SLC17A6: variants seen among roughly 807,000 people sequenced by gnomAD.
SLC17A6 encodes the protein vesicular glutamate transporter 2.
In SLC17A6, 35 loss-of-function variants were observed where a neutral mutation model predicts 67.1. The ratio of observed to expected loss-of-function variants is 0.52; its 90% CI spans 0.40 to 0.69. The LOEUF (loss-of-function observed/expected upper bound fraction) is 0.69, where lower values mean the gene tolerates loss of function less well. SLC17A6 is among the 30% of genes least tolerant of loss of function. The probability of loss-of-function intolerance (pLI) is 0.00; values close to 1 mark genes in which losing one functional copy is unlikely to be tolerated. For synonymous variants in SLC17A6, 285 were observed against 252.3 expected (o/e 1.13, Z -1.23); for missense variants, 588 against 723.9 (o/e 0.81, Z 2.15).
rs74752448 is a variant in SLC17A6 at position 22,378,775 on chromosome 11, A to G, written c.*1035A>G. ...GATATTGTAAGTAGGTAATTTTATT[A>G]TTTAAAGTCCTATTAAGAAATATTT... On this transcript the variant is annotated 3_prime_UTR_variant, in exon 12 of 12. Transcript: ENST00000263160. 1.6e-3 allele frequency: 248 copies of G among 152,252 alleles called. 2 individuals carry two copies. The highest frequency in any genetic ancestry group is 5.8e-3 in the African/African-American group (240 of 41,556). 9.4% of individuals were successfully genotyped at this position (152,252 alleles called of 1,614,324 possible). A position where few individuals can be genotyped will look rare whatever the true frequency, so the allele number is the denominator to read the frequency against.
intron 7 of SLC17A6, among the ~76,000 whole-genome samples, chr11:22,366,001 G>T (rs148691505): frequency 6.6e-5 from 10 of 151,098 alleles, no homozygotes; most frequent in Admixed American, 1.3e-4. Context: ...ATAAATAGTT[G>T]TTCATTTTAC....
chr11:22,347,345 C>T (rs1855889615), intron 3 of SLC17A6, among the ~76,000 whole-genome samples: 2 of 152,024 alleles, frequency 1.3e-5, no homozygotes, highest in Non-Finnish European at 1.5e-5. Flanking sequence ...GTGATTTATC[C>T]CCTTTACACC....
chr11:22,344,957 T>C (rs1020657779), intron 3 of SLC17A6, among the ~76,000 whole-genome samples: 5 of 152,050 alleles, frequency 3.3e-5, no homozygotes, highest in Non-Finnish European at 7.4e-5. Context: ...CATACATGCA[T>C]GGAATGTTTT....
chr11:22,375,146 G>T (rs1856218678), intron 9 of SLC17A6, among the ~76,000 whole-genome samples: 2 of 152,020 alleles, frequency 1.3e-5, no homozygotes, highest in South Asian at 4.2e-4. Context: ...GCCAAGGTGG[G>T]TGGATCACGA....
chr11:22,373,700 A>AT (rs200103584), intron 8 of SLC17A6, among the ~76,000 whole-genome samples: 4 of 152,152 alleles, frequency 2.6e-5, no homozygotes, highest in South Asian at 4.2e-4. Flanking sequence ...CTGACTCTAA[A>AT]TTTTTTTTAT....
intron 3 of SLC17A6, among the ~76,000 whole-genome samples, chr11:22,356,026 G>A (rs1019786555): frequency 6.6e-6 from 1 of 152,160 alleles, no homozygotes; most frequent in African/African-American, 2.4e-5. Flanking sequence ...TCATGTGACT[G>A]AAAGAGCACA....
At chr11:22,368,191 A>T (rs1333064843) in intron 7 of SLC17A6, among the ~76,000 whole-genome samples, 1 of 152,088 alleles carries the variant, frequency 6.6e-6, no homozygotes, top group Non-Finnish European at 1.5e-5. Context: ...AATTAAAAAC[A>T]ATTCTGTATC....
chr11:22,358,417 T>C (rs966080521), intron 3 of SLC17A6, among the ~76,000 whole-genome samples: 1 of 152,216 alleles, frequency 6.6e-6, no homozygotes, highest in South Asian at 2.1e-4. Context: ...AACCTCTGCC[T>C]CCTGGGTTCA....
At position 22,377,531 on chromosome 11, in the gene SLC17A6, G is replaced by A. The variant is rs1352923018; in HGVS notation, c.1540G>A (p.Glu514Lys). 1 of 1,614,092 alleles carries A rather than the reference G, an allele frequency of 6.2e-7. No individual in the cohort carries two copies. The highest frequency in any genetic ancestry group is 8.5e-7 in the Non-Finnish European group (1 of 1,179,982). The change falls in exon 12 of 12, where the codon GAA (glutamate) becomes AAA (lysine). Residue 514 changes from glutamate (E) to lysine (K), a missense_variant. Physicochemically the swap from Glu to Lys is moderately conservative, Grantham distance 56. This residue lies in a region of SLC17A6 where 414 missense variants were observed against 563.4 expected (regional missense o/e 0.73). Transcript: ENST00000263160. ...PWADPEETSE[E>K]KCGFIHEDEL... is the part of the protein sequence containing the mutation. ...GGCAGACCCGGAGGAAACAAGTGAA[G>A]AAAAATGTGGATTTATTCATGAAGA...
At chr11:22,375,685 G>A (rs1856225357) in intron 9 of SLC17A6, among the ~76,000 whole-genome samples, 1 of 151,960 alleles carries the variant, frequency 6.6e-6, no homozygotes, top group Admixed American at 6.6e-5. Context: ...TCTCCATGTT[G>A]GTCAGACTGG....
chr11:22,361,216 G>T (rs1856048424), intron 5 of SLC17A6: 1 of 425,202 alleles, frequency 2.4e-6, no homozygotes, highest in Non-Finnish European at 4.2e-6. Context: ...TTTCATCTAG[G>T]ATTTCAAATA....
intron 3 of SLC17A6, among the ~76,000 whole-genome samples, chr11:22,352,808 A>G (rs572367461): frequency 6.6e-6 from 1 of 152,316 alleles, no homozygotes; most frequent in South Asian, 2.1e-4. Context: ...GGACACTGAG[A>G]CAGTTATTGA....
chr11:22,367,382 A>G (rs1380484722), intron 7 of SLC17A6, among the ~76,000 whole-genome samples: 5 of 152,178 alleles, frequency 3.3e-5, no homozygotes, highest in African/African-American at 1.2e-4. Flanking sequence ...TTAAACTTCA[A>G]TGGTTTAAAC....
chr11:22,367,337 A>T (rs927520541), intron 7 of SLC17A6, among the ~76,000 whole-genome samples: 2 of 152,156 alleles, frequency 1.3e-5, no homozygotes, highest in Non-Finnish European at 2.9e-5. Context: ...CCCTTAATGA[A>T]TAAGAAAAAT....
At chr11:22,360,710 A>G (rs796582440) in intron 4 of SLC17A6, among the ~76,000 whole-genome samples, 187 bp from the exon 5 acceptor site, 1 of 152,164 alleles carries the variant, frequency 6.6e-6, no homozygotes, top group Non-Finnish European at 1.5e-5. Flanking sequence ...ATGATCTCCC[A>G]AATTTTTTCA....
intron 10 of SLC17A6, 150 bp from the exon 11 acceptor site, chr11:22,376,395 C>A: frequency 1.2e-6 from 1 of 819,300 alleles, no homozygotes; most frequent in Non-Finnish European, 1.9e-6. Context: ...ATTCTATTCT[C>A]ATTATATCCC....
intron 4 of SLC17A6, among the ~76,000 whole-genome samples, chr11:22,360,631 G>C (rs1310580533): frequency 2.0e-5 from 3 of 150,918 alleles, no homozygotes; most frequent in African/African-American, 7.3e-5. Context: ...GAGCTCCAAG[G>C]ATCTAAACTT....
intron 3 of SLC17A6, among the ~76,000 whole-genome samples, chr11:22,353,562 T>C (rs1039656089): frequency 3.9e-5 from 6 of 152,242 alleles, no homozygotes; most frequent in African/African-American, 1.2e-4. Flanking sequence ...TAACTAATAC[T>C]GTATCATGCT....
intron 10 of SLC17A6, 105 bp from the exon 11 acceptor site, chr11:22,376,440 T>C: frequency 7.9e-7 from 1 of 1,271,448 alleles, no homozygotes; most frequent in Non-Finnish European, 1.1e-6. Context: ...TAAGCACGTG[T>C]TCTGTACCCA....
Sources: allele counts gnomAD v4.1 joint callset (sites outside exome capture counted in the v4.1 genomes callset), GRCh38; gene constraint gnomAD v4.1.1; regional missense constraint gnomAD v4.1.1; transcripts MANE v1.5; gene names NCBI Gene and HGNC (gene_info 2026-07-23, HGNC 2026-07-21).